The following SLC35F1 variants were observed in gnomAD, a reference collection of about 807,000 sequenced individuals.
The protein encoded by SLC35F1 is solute carrier family 35 member F1, also known as chromosome 6 open reading frame 169.
SLC35F1 carries 14 observed loss-of-function variants against 48.7 expected under a neutral mutation model. The ratio of observed to expected loss-of-function variants is 0.29; its 90% CI spans 0.19 to 0.45. The LOEUF is 0.45. Among genes scored for constraint, SLC35F1 ranks in the 20% least tolerant of loss-of-function variants. SLC35F1 has a pLI of 1.00. For synonymous variants in SLC35F1, 190 were observed against 202.2 expected (o/e 0.94, Z 0.51); for missense variants, 404 against 500.0 (o/e 0.81, Z 1.83).
At chr6:118,299,285 A>T (rs1474046283) in intron 7 of SLC35F1, among the ~76,000 whole-genome samples, 2 of 152,218 alleles carry the variant, frequency 1.3e-5, no homozygotes, top group African/African-American at 4.8e-5. Context: ...ATCTGAAAGG[A>T]TGTTTATGAA....
At chr6:118,143,714 A>G (rs1170173539) in intron 1 of SLC35F1, among the ~76,000 whole-genome samples, 1 of 152,232 alleles carries the variant, frequency 6.6e-6, no homozygotes, top group Non-Finnish European at 1.5e-5. Flanking sequence ...ACTTCCAAAT[A>G]TACTTAAAGA....
intron 1 of SLC35F1, among the ~76,000 whole-genome samples, chr6:117,931,783 G>A (rs1310081033): frequency 6.6e-6 from 1 of 152,210 alleles, no homozygotes; most frequent in Non-Finnish European, 1.5e-5. Flanking sequence ...GCAGACTCCT[G>A]AAGGAACTAC....
At chr6:118,156,483 T>A (rs1023844293) in intron 2 of SLC35F1, among the ~76,000 whole-genome samples, 6 of 151,972 alleles carry the variant, frequency 3.9e-5, no homozygotes, top group African/African-American at 1.5e-4. Context: ...ATGAGATCAC[T>A]TGGACACAGG....
chr6:118,279,199 TGATG>T (rs1379267842), intron 6 of SLC35F1, among the ~76,000 whole-genome samples: 1 of 152,184 alleles, frequency 6.6e-6, no homozygotes, highest in African/African-American at 2.4e-5. Flanking sequence ...ATGGTTGAGG[TGATG>T]GATATCCCAA....
In SLC35F1 at chr6:118,273,145, A is replaced by G. The variant is rs555025241; in HGVS notation, c.638-2314A>G. Among the ~76,000 whole-genome samples the G allele has an allele frequency of 4.1e-4, 62 of 152,280 alleles. No individual in the cohort carries two copies. In the South Asian group the frequency reaches 0.013, roughly 31 times the overall value. Reference sequence around the variant, plus strand: ...GGTTACACAAAATTGTGTTGTGATGATCAATAATTATTACTGAATTGGTGA... The same window carrying G: ...GGTTACACAAAATTGTGTTGTGATGGTCAATAATTATTACTGAATTGGTGA... On this transcript the variant is annotated intron_variant, in intron 4 of 7. Coordinates refer to ENST00000360388, the MANE Select transcript of SLC35F1 (RefSeq NM_001029858.4).
At chr6:117,993,056 C>G (rs1171646686) in intron 1 of SLC35F1, among the ~76,000 whole-genome samples, 1 of 152,200 alleles carries the variant, frequency 6.6e-6, no homozygotes, top group African/African-American at 2.4e-5. Flanking sequence ...TCTGGGAGCT[C>G]TCTCTTCCTG....
At chr6:117,997,089 G>A (rs1777004892) in intron 1 of SLC35F1, among the ~76,000 whole-genome samples, 1 of 152,148 alleles carries the variant, frequency 6.6e-6, no homozygotes, top group Non-Finnish European at 1.5e-5. Context: ...AGGAGCTGAT[G>A]GAGCTGAAAG....
chr6:118,225,888 A>AAG (rs1294652094), intron 2 of SLC35F1, among the ~76,000 whole-genome samples: 1 of 151,948 alleles, frequency 6.6e-6, no homozygotes, highest in African/African-American at 2.4e-5. Flanking sequence ...AAAAAAAAAA[A>AAG]AAATCTTCAC....
chr6:117,964,316 G>T (rs1776533375), intron 1 of SLC35F1, among the ~76,000 whole-genome samples: 2 of 152,130 alleles, frequency 1.3e-5, no homozygotes, highest in Non-Finnish European at 2.9e-5. Flanking sequence ...CTTTCTGGTT[G>T]CTTTGACTTA....
intron 1 of SLC35F1, among the ~76,000 whole-genome samples, chr6:117,961,491 C>T (rs939442110): frequency 2.0e-5 from 3 of 152,126 alleles, no homozygotes; most frequent in African/African-American, 4.8e-5. Flanking sequence ...GGAGTTGCTT[C>T]GTCGGGTCTA....
intron 1 of SLC35F1, among the ~76,000 whole-genome samples, chr6:118,126,228 G>A (rs535387408): frequency 1.9e-4 from 29 of 152,208 alleles, no homozygotes; most frequent in African/African-American, 7.0e-4. Context: ...CTTTTGTTAG[G>A]ATTAGATGGA....
At chr6:117,970,111 A>T (rs1391205523) in intron 1 of SLC35F1, among the ~76,000 whole-genome samples, 1 of 152,184 alleles carries the variant, frequency 6.6e-6, no homozygotes, top group East Asian at 1.9e-4. Context: ...TTTGATGCTG[A>T]GGTTGTTGTA....
At chr6:118,110,821 A>G (rs567749471) in intron 1 of SLC35F1, among the ~76,000 whole-genome samples, 1 of 152,232 alleles carries the variant, frequency 6.6e-6, no homozygotes, top group African/African-American at 2.4e-5. Context: ...CTATAGTCCT[A>G]TGATTAGGTC....
At chr6:118,177,380 TAA>T (rs1774505671) in intron 2 of SLC35F1, among the ~76,000 whole-genome samples, 1 of 152,112 alleles carries the variant, frequency 6.6e-6, no homozygotes, top group South Asian at 2.1e-4. Flanking sequence ...TTTCCTCTTC[TAA>T]ATCAAAACTT....
intron 2 of SLC35F1, among the ~76,000 whole-genome samples, chr6:118,178,167 C>CTGGGA (rs1774520100): frequency 6.6e-6 from 1 of 152,032 alleles, no homozygotes; most frequent in African/African-American, 2.4e-5. Flanking sequence ...ACTAGATATC[C>CTGGGA]ACACCTCCTG....
intron 1 of SLC35F1, among the ~76,000 whole-genome samples, chr6:117,996,955 T>G (rs1208884080): frequency 6.6e-6 from 1 of 152,104 alleles, no homozygotes; most frequent in Non-Finnish European, 1.5e-5. Flanking sequence ...AGAAGAAGGC[T>G]TCAGACGATC....
At chr6:117,912,154 G>A (rs910958030) in intron 1 of SLC35F1, among the ~76,000 whole-genome samples, 2 of 152,176 alleles carry the variant, frequency 1.3e-5, no homozygotes, top group African/African-American at 2.4e-5. Context: ...GTCTTATGGC[G>A]GGAATGTTTA....
intron 1 of SLC35F1, among the ~76,000 whole-genome samples, chr6:118,014,858 C>G (rs1485369204): frequency 6.6e-6 from 1 of 152,188 alleles, no homozygotes; most frequent in Non-Finnish European, 1.5e-5. Flanking sequence ...CTCTGAGGCT[C>G]ACCTATATGG....
At chr6:117,987,070 C>G (rs898319676) in intron 1 of SLC35F1, among the ~76,000 whole-genome samples, 14 of 152,176 alleles carry the variant, frequency 9.2e-5, no homozygotes, top group African/African-American at 1.9e-4. Flanking sequence ...ACGTTAAAGG[C>G]CAAGCCTGTG....
Sources: gnomAD v4.1 joint callset for allele counts (sites outside exome capture counted in the v4.1 genomes callset) on GRCh38, gnomAD v4.1.1 for gene constraint, MANE v1.5 for transcripts, NCBI Gene and HGNC (gene_info 2026-07-23, HGNC 2026-07-21) for gene names.